Variants in SHISA9 observed in about 807,000 individuals in gnomAD.
SHISA9 encodes the protein protein shisa-9.
SHISA9 carries 13 observed loss-of-function variants against 38.0 expected under a neutral mutation model. The observed-to-expected ratio is 0.34, with a 90% CI of 0.22 to 0.54. The LOEUF (loss-of-function observed/expected upper bound fraction) is 0.54, where lower values mean the gene tolerates loss of function less well. SHISA9 is among the 20% of genes least tolerant of loss of function. The pLI is 0.91. For synonymous variants in SHISA9, 275 were observed against 242.0 expected, an observed-to-expected ratio of 1.14 and a Z score of -1.27; for missense variants, 538 against 575.8, an observed-to-expected ratio of 0.93 and a Z score of 0.67.
At chr16:13,130,715 G>A (rs942065651) in intron 2 of SHISA9, among the ~76,000 whole-genome samples, 1 of 152,164 alleles carries the variant, frequency 6.6e-6, no homozygotes, top group Admixed American at 6.5e-5. Context: ...GAATATTTTA[G>A]ACTTTGTGTA....
the SHISA9 span, among the ~76,000 whole-genome samples, chr16:13,359,372 ACC>A: frequency 1.3e-5 from 2 of 152,136 alleles, no homozygotes; most frequent in Non-Finnish European, 1.5e-5. Context: ...AATCCCAGGT[ACC>A]CGGGAGGCTG....
the SHISA9 span, among the ~76,000 whole-genome samples, chr16:13,442,587 G>A: frequency 6.6e-6 from 1 of 152,146 alleles, no homozygotes; most frequent in Non-Finnish European, 1.5e-5. Context: ...TTACAGACAT[G>A]AGCCATCTCA....
At chr16:12,908,559 G>A in intron 1 of SHISA9, 1 of 1,551,812 alleles carries the variant, frequency 6.4e-7, no homozygotes, top group Non-Finnish European at 8.7e-7. Context: ...TGGAGTGTCG[G>A]ACTTCAAACC....
At chr16:13,363,964 G>A in the SHISA9 span, among the ~76,000 whole-genome samples, 1 of 152,156 alleles carries the variant, frequency 6.6e-6, no homozygotes, top group African/African-American at 2.4e-5. Flanking sequence ...TGGGGACAGA[G>A]CCCAGCAATC....
chr16:13,102,552 G>C (rs2073889046), intron 2 of SHISA9, among the ~76,000 whole-genome samples: 1 of 152,140 alleles, frequency 6.6e-6, no homozygotes, highest in African/African-American at 2.4e-5. Context: ...TCCTAATGTA[G>C]CCTTCTTGGG....
At chr16:13,376,969 G>C in the SHISA9 span, among the ~76,000 whole-genome samples, 1 of 152,158 alleles carries the variant, frequency 6.6e-6, no homozygotes, top group Non-Finnish European at 1.5e-5. Context: ...AATCCATCAT[G>C]CCTGACCATG....
At position 13,238,986 on chromosome 16, in the gene SHISA9, TC is replaced by T. The variant is rs1336415629; in HGVS notation, c.*3583del. 2 of 53,758 alleles carry T rather than the reference TC, an allele frequency of 3.7e-5. No homozygotes were observed. Among genetic ancestry groups the T allele is most frequent in the African/African-American group, 1.5e-4 (2 of 13,216 alleles). 3.3% of individuals were successfully genotyped at this position (53,758 alleles called of 1,614,324 possible). Reference sequence around the variant, plus strand: ...ATCTCCTAATGCTATCCCTCCCCCCTCCCCCCACCCCACAACAGTCCCCAGA... The same window carrying T: ...ATCTCCTAATGCTATCCCTCCCCCCTCCCCCACCCCACAACAGTCCCCAGA... On this transcript the variant is annotated 3_prime_UTR_variant, in exon 5 of 5. Transcript: ENST00000558583.
At chr16:13,002,300 T>G (rs1448866598) in intron 2 of SHISA9, among the ~76,000 whole-genome samples, 4 of 152,180 alleles carry the variant, frequency 2.6e-5, no homozygotes, top group Non-Finnish European at 5.9e-5. Context: ...AACAGTGACC[T>G]TTTATTGATC....
the SHISA9 span, among the ~76,000 whole-genome samples, chr16:13,557,498 A>G: frequency 2.3e-4 from 35 of 152,184 alleles, no homozygotes; most frequent in Admixed American, 1.1e-3. Flanking sequence ...GCTGCCTCAT[A>G]GCAAGATTAA....
intron 3 of SHISA9, among the ~76,000 whole-genome samples, chr16:13,210,352 A>T (rs939210776): frequency 1.3e-5 from 2 of 152,176 alleles, no homozygotes; most frequent in African/African-American, 4.8e-5. Context: ...GGCTCAATGC[A>T]ACCTTGGCCA....
chr16:13,337,100 G>C, the SHISA9 span, among the ~76,000 whole-genome samples: 19 of 152,298 alleles, frequency 1.2e-4, no homozygotes, highest in Non-Finnish European at 2.5e-4. Context: ...TAGTTCATTA[G>C]TGGGAGAGCC....
At chr16:12,915,278 T>C (rs1186825119) in intron 1 of SHISA9, among the ~76,000 whole-genome samples, 2 of 152,050 alleles carry the variant, frequency 1.3e-5, no homozygotes, top group Admixed American at 1.3e-4. Context: ...CTGGTCAACA[T>C]AGTAAGACCC....
the SHISA9 span, among the ~76,000 whole-genome samples, chr16:13,469,360 AAAGAAAAAGAAAGAAAGAAAGAAAG>A: frequency 4.0e-4 from 18 of 44,494 alleles, no homozygotes; most frequent in East Asian, 2.3e-3. Flanking sequence ...GAAAGAAAGA[AAAGAAAAAGAAAGAAAGAAAGAAAG>A]AAAGAAAGAA....
the SHISA9 span, among the ~76,000 whole-genome samples, chr16:13,375,748 A>G: frequency 3.9e-5 from 6 of 152,368 alleles, no homozygotes; most frequent in East Asian, 1.2e-3. Flanking sequence ...ACTACAACAC[A>G]TCACTGAAAG....
At chr16:13,131,439 G>A (rs1295965609) in intron 2 of SHISA9, among the ~76,000 whole-genome samples, 1 of 152,082 alleles carries the variant, frequency 6.6e-6, no homozygotes, top group African/African-American at 2.4e-5. Context: ...CATGGCAGGG[G>A]TGGACAACAC....
chr16:13,323,053 T>A, the SHISA9 span, among the ~76,000 whole-genome samples: 1 of 152,194 alleles, frequency 6.6e-6, no homozygotes. Context: ...GTCAGGTTGT[T>A]TAGGTTCAAC....
the SHISA9 span, among the ~76,000 whole-genome samples, chr16:13,268,374 G>T: frequency 6.6e-6 from 1 of 152,144 alleles, no homozygotes; most frequent in African/African-American, 2.4e-5. Context: ...GCTGGATGTG[G>T]TGGCACATGC....
the SHISA9 span, among the ~76,000 whole-genome samples, chr16:13,365,466 T>C: frequency 7.4e-5 from 11 of 149,388 alleles, no homozygotes; most frequent in African/African-American, 2.5e-4. Context: ...TTTTTTTTTT[T>C]TTTTTTTTGA....
intron 2 of SHISA9, among the ~76,000 whole-genome samples, chr16:13,098,764 G>C (rs887552375): frequency 6.6e-6 from 1 of 152,222 alleles, no homozygotes; most frequent in Non-Finnish European, 1.5e-5. Context: ...AGTTGAGTCA[G>C]ATGAAATTGC....
Sources: gnomAD v4.1 joint callset for allele counts (sites outside exome capture counted in the v4.1 genomes callset) on GRCh38, gnomAD v4.1.1 for gene constraint, MANE v1.5 for transcripts, NCBI Gene and HGNC (gene_info 2026-07-23, HGNC 2026-07-21) for gene names.